The following CLNK variants were observed in gnomAD, a reference collection of about 807,000 sequenced individuals.
CLNK encodes the protein cytokine dependent hematopoietic cell linker, also known as cytokine-dependent hematopoietic cell linker.
In CLNK, 74 loss-of-function variants were observed where a neutral mutation model predicts 68.6. That is an observed-to-expected ratio of 1.08 (90% confidence interval 0.89 to 1.31). The LOEUF is 1.31. CLNK is among the 50% of genes most tolerant of loss of function. CLNK has a pLI of 0.00. For synonymous variants in CLNK, 198 were observed against 172.2 expected (o/e 1.15, Z -1.17); for missense variants, 553 against 515.3 (o/e 1.07, Z -0.71).
intron 2 of CLNK, among the ~76,000 whole-genome samples, chr4:10,665,827 T>G (rs562710690): frequency 1.3e-5 from 2 of 152,296 alleles, no homozygotes; most frequent in East Asian, 3.9e-4. Flanking sequence ...GCTGCTGCCC[T>G]GGACTGAATG....
chr4:10,630,504 T>A (rs532901528), intron 2 of CLNK, among the ~76,000 whole-genome samples: 13 of 152,274 alleles, frequency 8.5e-5, no homozygotes, highest in East Asian at 5.8e-4. Flanking sequence ...GTGTTGTGGA[T>A]TCAAAAATTT....
At chr4:10,730,469 T>C in the CLNK span, among the ~76,000 whole-genome samples, 1 of 152,208 alleles carries the variant, frequency 6.6e-6, no homozygotes, top group Non-Finnish European at 1.5e-5. Context: ...TATAATGACC[T>C]TGAACTCTAC....
At chr4:10,704,885 G>T in the CLNK span, among the ~76,000 whole-genome samples, 1 of 152,190 alleles carries the variant, frequency 6.6e-6, no homozygotes, top group African/African-American at 2.4e-5. Flanking sequence ...AGCAGACTTG[G>T]TTCCTGTTGG....
At chr4:10,639,749 C>T (rs1229642410) in intron 2 of CLNK, among the ~76,000 whole-genome samples, 1 of 152,200 alleles carries the variant, frequency 6.6e-6, no homozygotes, top group African/African-American at 2.4e-5. Flanking sequence ...TGGCAAACGG[C>T]TACCATATTG....
chr4:10,542,015 G>C lies in CLNK; in HGVS notation c.491+7C>G. 1 of 1,577,748 alleles carries C rather than the reference G, an allele frequency of 6.3e-7. No individual in the cohort carries two copies. Among genetic ancestry groups the C allele is most frequent in the Non-Finnish European group, 8.6e-7 (1 of 1,160,036 alleles). On this transcript the variant is annotated splice_region_variant and intron_variant, in intron 10 of 18. Transcript: ENST00000226951. Reference sequence around the variant, plus strand: ...GCGAAAAAAAATGCTATTTTAAAGTGTTTTACCGAGGAGGTGGTAAAGGAA... The same window carrying C: ...GCGAAAAAAAATGCTATTTTAAAGTCTTTTACCGAGGAGGTGGTAAAGGAA...
At chr4:10,728,173 C>A in the CLNK span, among the ~76,000 whole-genome samples, 1 of 152,158 alleles carries the variant, frequency 6.6e-6, no homozygotes, top group African/African-American at 2.4e-5. Context: ...GGCAGCTCAG[C>A]ACAACAAAGA....
intron 2 of CLNK, among the ~76,000 whole-genome samples, chr4:10,605,733 C>A (rs1022569392): frequency 7.2e-6 from 1 of 139,540 alleles, no homozygotes; most frequent in African/African-American, 2.7e-5. Context: ...GAGGCTGAGG[C>A]AGGAGAATCG....
rs116891063 is a variant in CLNK at position 10,658,742 on chromosome 4, G to A, written c.11+9117C>T. Among the ~76,000 whole-genome samples, 170 of 152,326 alleles carry A rather than the reference G, an allele frequency of 1.1e-3. 5 individuals carry two copies. The East Asian group carries it at 0.025, about 23-fold the overall frequency. On this transcript the variant is annotated intron_variant, in intron 2 of 18. Transcript: ENST00000226951. ...ACTGTTAAAGACTATGCACGGACCC[G>A]ACACAGTGTCCCTTCTGTCACACTC...
At chr4:10,672,022 C>T (rs1724665352) in intron 1 of CLNK, among the ~76,000 whole-genome samples, 1 of 152,108 alleles carries the variant, frequency 6.6e-6, no homozygotes, top group African/African-American at 2.4e-5. Context: ...ACTTAAAGAG[C>T]CCCTAAGCTA....
chr4:10,564,172 T>G (rs572376571), intron 7 of CLNK, among the ~76,000 whole-genome samples: 3 of 151,748 alleles, frequency 2.0e-5, no homozygotes, highest in Non-Finnish European at 4.4e-5. Flanking sequence ...TGCAAAATTA[T>G]CTTTTGTAGC....
the CLNK span, among the ~76,000 whole-genome samples, chr4:10,699,442 A>G: frequency 7.0e-4 from 97 of 138,160 alleles, no homozygotes; most frequent in African/African-American, 2.4e-3. Flanking sequence ...TTGTATTTGT[A>G]TATAACCTAT....
At position 10,489,079 on chromosome 4, in the gene CLNK, A is replaced by C. The variant is rs953245093; in HGVS notation, c.*1388T>G. 2.7e-5 allele frequency: 4 copies of C among 148,648 alleles called. No individual in the cohort carries two copies. The highest frequency in any genetic ancestry group is 5.9e-5 in the Non-Finnish European group (4 of 67,426). 9.2% of individuals were successfully genotyped at this position (148,648 alleles called of 1,614,324 possible). ...TCTCTCTCTCTCTCTCTTTTTTTTT[A>C]AATTAGCTTTTCAACTTGATTGTAA... On this transcript the variant is annotated 3_prime_UTR_variant, in exon 19 of 19. Coordinates refer to ENST00000226951, the MANE Select transcript of CLNK (RefSeq NM_052964.4).
intron 4 of CLNK, among the ~76,000 whole-genome samples, chr4:10,579,244 G>T (rs905868301): frequency 6.6e-6 from 1 of 152,124 alleles, no homozygotes; most frequent in Non-Finnish European, 1.5e-5. Context: ...TCTTCAGTTT[G>T]GCATCGATCT....
the CLNK span, among the ~76,000 whole-genome samples, chr4:10,706,302 C>CT: frequency 2.0e-5 from 3 of 152,152 alleles, no homozygotes; most frequent in Non-Finnish European, 4.4e-5. Flanking sequence ...GGCTGTGCTG[C>CT]TATTACTATA....
At chr4:10,680,444 C>T (rs1484991344) in intron 1 of CLNK, among the ~76,000 whole-genome samples, 1 of 151,384 alleles carries the variant, frequency 6.6e-6, no homozygotes, top group Non-Finnish European at 1.5e-5. Flanking sequence ...GTGCAGCACA[C>T]CAACATGTCA....
chr4:10,542,680 G>GTA (rs1319672858), intron 8 of CLNK, among the ~76,000 whole-genome samples: 7 of 145,050 alleles, frequency 4.8e-5, no homozygotes, highest in African/African-American at 7.8e-5. Context: ...GTGTGTGTGT[G>GTA]TGTATATATA....
chr4:10,729,750 G>A, the CLNK span, among the ~76,000 whole-genome samples: 4 of 152,200 alleles, frequency 2.6e-5, no homozygotes, highest in East Asian at 1.9e-4. Flanking sequence ...TGTAAGGAAC[G>A]TTGCAAAAGT....
In CLNK at chr4:10,582,875, T is replaced by TCA. The variant is rs965220810; in HGVS notation, c.112+2050_112+2051dup. Reference sequence around the variant, plus strand: ...TACACATACACAGACACACACACAATCACACACACCTCACATCATAGATAT... The same window carrying TCA: ...TACACATACACAGACACACACACAATCACACACACACCTCACATCATAGATAT... On this transcript the variant is annotated intron_variant, in intron 4 of 18. Coordinates refer to ENST00000226951, the MANE Select transcript of CLNK (RefSeq NM_052964.4). Among the ~76,000 whole-genome samples, 541 of 151,996 alleles carry TCA rather than the reference T, an allele frequency of 3.6e-3. 1 individual carries two copies. The highest frequency in any genetic ancestry group is 0.012 in the African/African-American group (510 of 41,480).
intron 1 of CLNK, among the ~76,000 whole-genome samples, chr4:10,679,505 A>C (rs1479610057): frequency 6.6e-6 from 1 of 152,234 alleles, no homozygotes; most frequent in Admixed American, 6.5e-5. Context: ...AAAAGCCAAA[A>C]TTGACAAATG....
Sources: gnomAD v4.1 joint callset for allele counts (sites outside exome capture counted in the v4.1 genomes callset) on GRCh38, gnomAD v4.1.1 for gene constraint, MANE v1.5 for transcripts, NCBI Gene and HGNC (gene_info 2026-07-23, HGNC 2026-07-21) for gene names.